SLC4A8: variants seen among roughly 807,000 people sequenced by gnomAD.
SLC4A8 encodes the protein solute carrier family 4 member 8, also known as electroneutral sodium bicarbonate exchanger 1.
SLC4A8 carries 40 observed loss-of-function variants against 125.0 expected under a neutral mutation model. The ratio of observed to expected loss-of-function variants is 0.32; its 90% confidence interval spans 0.25 to 0.42. The LOEUF is 0.42. Among genes scored for constraint, SLC4A8 ranks in the 10% least tolerant of loss-of-function variants. The pLI is 1.00. For synonymous variants in SLC4A8, 456 were observed against 476.0 expected, an observed-to-expected ratio of 0.96 and a Z score of 0.55; for missense variants, 863 against 1,355.1, an observed-to-expected ratio of 0.64 and a Z score of 5.70.
chr12:51,408,833 C>A (rs913684666), intron 1 of SLC4A8, among the ~76,000 whole-genome samples: 5 of 152,082 alleles, frequency 3.3e-5, no homozygotes, highest in African/African-American at 1.2e-4. Flanking sequence ...CAGTGTGATG[C>A]GCACTCCAGA....
At chr12:51,441,272 C>T in intron 2 of SLC4A8, 1 of 888,210 alleles carries the variant, frequency 1.1e-6, no homozygotes, top group Non-Finnish European at 1.3e-6. Flanking sequence ...TTCATCTAAA[C>T]AAGAGGGAAA....
intron 19 of SLC4A8, among the ~76,000 whole-genome samples, chr12:51,493,219 CAT>C (rs1951364391): frequency 6.6e-6 from 1 of 152,004 alleles, no homozygotes; most frequent in South Asian, 2.1e-4. Context: ...CCCCCCAGAC[CAT>C]TACCTCTTTG....
chr12:51,428,111 A>G (rs528286472), intron 1 of SLC4A8, among the ~76,000 whole-genome samples: 2 of 152,106 alleles, frequency 1.3e-5, no homozygotes, highest in Non-Finnish European at 2.9e-5. Flanking sequence ...TGTGCCTGTC[A>G]TTCCCTCTGC....
At chr12:51,457,282 A>G in intron 5 of SLC4A8, 69 bp from the exon 6 acceptor site, 1 of 1,376,942 alleles carries the variant, frequency 7.3e-7, no homozygotes, top group East Asian at 2.3e-5. Flanking sequence ...ACCCCACTCC[A>G]CCTGATGTTG....
intron 14 of SLC4A8, among the ~76,000 whole-genome samples, chr12:51,472,947 GT>G (rs1167694090): frequency 6.6e-6 from 1 of 152,136 alleles, no homozygotes; most frequent in Non-Finnish European, 1.5e-5. Flanking sequence ...AGTACAGAGA[GT>G]TAGCATATAC....
intron 1 of SLC4A8, among the ~76,000 whole-genome samples, chr12:51,417,350 ATTT>A (rs753191543): frequency 2.1e-5 from 3 of 143,130 alleles, no homozygotes; most frequent in Non-Finnish European, 4.6e-5. Context: ...TAGTTTTTGA[ATTT>A]TTTTTTTTTT....
chr12:51,401,505 A>T (rs1198284442), intron 1 of SLC4A8, among the ~76,000 whole-genome samples: 1 of 152,162 alleles, frequency 6.6e-6, no homozygotes, highest in African/African-American at 2.4e-5. Context: ...ATGGCGTGCC[A>T]GCGTGCTGGC....
At chr12:51,420,080 C>T (rs1239133286), upstream of SLC4A8, 2 of 152,194 alleles carry the variant, frequency 1.3e-5, no homozygotes, top group East Asian at 3.8e-4. Flanking sequence ...CAAAGAATCT[C>T]TCTCACTCCC....
chr12:51,397,636 A>G (rs761122939), intron 1 of SLC4A8, among the ~76,000 whole-genome samples: 1 of 152,184 alleles, frequency 6.6e-6, no homozygotes, highest in Non-Finnish European at 1.5e-5. Context: ...GAGATAACCA[A>G]TGTTGCTATT....
chr12:51,460,054 G>A lies in SLC4A8; in HGVS notation c.959G>A (p.Arg320Lys). The A allele has an allele frequency of 6.2e-7, 1 of 1,613,900 alleles. No homozygotes were observed. The highest frequency in any genetic ancestry group is 8.5e-7 in the Non-Finnish European group (1 of 1,179,804). ...GACCGTCCCATTGTTGCCTTTGTGAGGCTGTCTCCAGCTGTTCTTCTCTCA... is the reference window on the plus strand; with the variant it reads ...GACCGTCCCATTGTTGCCTTTGTGAAGCTGTCTCCAGCTGTTCTTCTCTCA... ...ILDRPIVAFV[R>K]LSPAVLLSGL... Residue 320 changes from arginine (R) to lysine (K), a missense_variant, in exon 8 of 25, where the codon AGG becomes AAG. This residue lies in a region of SLC4A8 where 390 missense variants were observed against 634.4 expected (regional missense o/e 0.61). Coordinates refer to ENST00000453097, the MANE Select transcript of SLC4A8 (RefSeq NM_001039960.3).
At chr12:51,491,163 A>G in intron 19 of SLC4A8, among the ~76,000 whole-genome samples, 1 of 152,178 alleles carries the variant, frequency 6.6e-6, no homozygotes, top group African/African-American at 2.4e-5. Context: ...GGCTGTGATC[A>G]GATTTGGAGT....
At chr12:51,397,015 C>T (rs1172165924) in intron 1 of SLC4A8, among the ~76,000 whole-genome samples, 1 of 149,988 alleles carries the variant, frequency 6.7e-6, no homozygotes, top group Non-Finnish European at 1.5e-5. Flanking sequence ...CTGCAACCTC[C>T]ACCTTCCAGG....
intron 16 of SLC4A8, among the ~76,000 whole-genome samples, chr12:51,481,967 C>T (rs1951042866): frequency 6.6e-6 from 1 of 151,792 alleles, no homozygotes; most frequent in African/African-American, 2.4e-5. Flanking sequence ...CAAAACAAAA[C>T]CAAAAAAAAC....
intron 1 of SLC4A8, among the ~76,000 whole-genome samples, chr12:51,406,710 TA>T (rs1948495335): frequency 1.3e-5 from 2 of 152,320 alleles, no homozygotes; most frequent in South Asian, 4.1e-4. Flanking sequence ...CCTCATAATT[TA>T]GTGCTCCAGG....
At chr12:51,473,196 C>T (rs568605441) in intron 14 of SLC4A8, among the ~76,000 whole-genome samples, 62 of 152,324 alleles carry the variant, frequency 4.1e-4, no homozygotes, top group South Asian at 3.5e-3. Flanking sequence ...ATCTCCTGTG[C>T]TCTGCCAGTT....
chr12:51,449,435 GA>G (rs57867396), intron 2 of SLC4A8, among the ~76,000 whole-genome samples: 40 of 144,760 alleles, frequency 2.8e-4, no homozygotes, highest in Middle Eastern at 3.5e-3. Context: ...AAAAAGAAAG[GA>G]AAAAAAAAAA....
At chr12:51,493,901 G>T in intron 20 of SLC4A8, 129 bp downstream of exon 20, 1 of 720,392 alleles carries the variant, frequency 1.4e-6, no homozygotes. Context: ...TTGCCACTTA[G>T]GCTATTTTAG....
chr12:51,480,062 T>TGGG, intron 16 of SLC4A8: 1 of 363,794 alleles, frequency 2.7e-6, no homozygotes, highest in Non-Finnish European at 5.2e-6. Context: ...CTCCGCCTCC[T>TGGG]CCCGAGTAGC....
intron 1 of SLC4A8, among the ~76,000 whole-genome samples, chr12:51,412,011 G>C (rs1381902668): frequency 2.0e-5 from 3 of 152,194 alleles, no homozygotes. Flanking sequence ...GCAGTGAGCT[G>C]TGATGGTGCC....
Sources: gnomAD v4.1 joint callset for allele counts (sites outside exome capture counted in the v4.1 genomes callset) on GRCh38, gnomAD v4.1.1 for gene constraint, gnomAD v4.1.1 regional missense constraint, MANE v1.5 for transcripts, NCBI Gene and HGNC (gene_info 2026-07-23, HGNC 2026-07-21) for gene names.